Variants in ITPR1 observed in about 807,000 individuals in gnomAD.
The protein encoded by ITPR1 is inositol 1,4,5-trisphosphate-gated calcium channel ITPR1.
Under a neutral mutation model 318.4 loss-of-function variants are expected in ITPR1, and 96 were observed. The observed-to-expected ratio is 0.30, with a 90% CI of 0.26 to 0.36. The LOEUF is 0.36. ITPR1 is among the 10% of genes least tolerant of loss of function. The pLI, the probability that ITPR1 is intolerant of heterozygous loss-of-function variation, is 1.00. For synonymous variants in ITPR1, 1,312 were observed against 1,289.9 expected (o/e 1.02, Z -0.37); for missense variants, 2,440 against 3,460.2 (o/e 0.71, Z 7.40).
intron 44 of ITPR1, among the ~76,000 whole-genome samples, chr3:4,764,974 ATGGATGGATGG>A (rs1559856198): frequency 6.8e-6 from 1 of 147,688 alleles, no homozygotes; most frequent in African/African-American, 2.5e-5. Context: ...GGATGGATGG[ATGGATGGATGG>A]ATGGGTGAAT....
chr3:4,797,466 T>C (rs2047972281), intron 53 of ITPR1, among the ~76,000 whole-genome samples: 1 of 152,138 alleles, frequency 6.6e-6, no homozygotes, highest in Admixed American at 6.5e-5. Context: ...TTTGTGTGGT[T>C]CTGTGGCTTA....
At chr3:4,820,864 C>T (rs940129796) in intron 60 of ITPR1, among the ~76,000 whole-genome samples, 8 of 152,104 alleles carry the variant, frequency 5.3e-5, no homozygotes, top group East Asian at 1.9e-4. Flanking sequence ...ATCAGGGTAG[C>T]GGCTGGGGTG....
At chr3:4,730,529 C>T (rs1005912987) in intron 42 of ITPR1, among the ~76,000 whole-genome samples, 1 of 151,828 alleles carries the variant, frequency 6.6e-6, no homozygotes, top group Admixed American at 6.6e-5. Context: ...GAAGGAGAGA[C>T]AAAATGGTAA....
intron 4 of ITPR1, among the ~76,000 whole-genome samples, chr3:4,560,814 C>T (rs4685758): frequency 0.58 from 88,902 of 152,022 alleles, 28,689 homozygotes; most frequent in Non-Finnish European, 0.71. Flanking sequence ...CTTATTATAA[C>T]GTAACTGAGT....
chr3:4,586,832 G>GC (rs1385535488), intron 4 of ITPR1, among the ~76,000 whole-genome samples: 3 of 151,764 alleles, frequency 2.0e-5, no homozygotes, highest in Non-Finnish European at 4.4e-5. Context: ...CTTGCATGAG[G>GC]CCAGATCTTT....
At chr3:4,653,422 G>T (rs555068859) in intron 11 of ITPR1, among the ~76,000 whole-genome samples, 1 of 152,246 alleles carries the variant, frequency 6.6e-6, no homozygotes, top group Non-Finnish European at 1.5e-5. Context: ...AGCTGTGAGA[G>T]ATGATTTATG....
In ITPR1 at chr3:4,775,379, G is replaced by A. The variant is rs139528715; in HGVS notation, c.6117G>A (p.Ala2039=). ...TGTATATAAATGAAAAGAATGTAGCGCTTATCAACCAAACCCTGGAAAGTC... is the reference window on the plus strand; with the variant it reads ...TGTATATAAATGAAAAGAATGTAGCACTTATCAACCAAACCCTGGAAAGTC... ...LGLYINEKNV[A]LINQTLESLT... The change falls in exon 47 of 62, where the codon GCG becomes GCA. Residue 2039 remains alanine, a synonymous_variant. Coordinates refer to ENST00000649015, the MANE Select transcript of ITPR1 (RefSeq NM_001378452.1). 5.2e-4 allele frequency: 839 copies of A among 1,613,670 alleles called. 8 individuals carry two copies. In the African/African-American group the frequency reaches 8.7e-3, roughly 17 times the overall value.
rs956900532 is a variant in ITPR1 at position 4,751,168 on chromosome 3, C to T, written c.5545-15362C>T. 8 of 152,566 alleles carry T rather than the reference C, an allele frequency of 5.2e-5. No individual in the cohort carries two copies. In the East Asian group the frequency reaches 5.8e-4, roughly 11 times the overall value. The allele number at this position is 152,566 out of a possible 1,614,324, so 9.5% of individuals were successfully genotyped here. On this transcript the variant is annotated intron_variant, in intron 44 of 61. Coordinates refer to ENST00000649015, the MANE Select transcript of ITPR1 (RefSeq NM_001378452.1). ...AATGACGTCTCTGTCTCCTCTAGTG[C>T]GTTATAAAATAGAACCGCAAGAAAA...
intron 2 of ITPR1, among the ~76,000 whole-genome samples, chr3:4,513,340 G>T (rs1431098542): frequency 6.6e-6 from 1 of 152,020 alleles, no homozygotes; most frequent in African/African-American, 2.4e-5. Flanking sequence ...CTTCACTAAG[G>T]CGAGGCCGGA....
At chr3:4,756,500 G>A (rs527628327) in intron 44 of ITPR1, among the ~76,000 whole-genome samples, 14 of 152,016 alleles carry the variant, frequency 9.2e-5, no homozygotes, top group East Asian at 1.9e-4. Flanking sequence ...CCCTCAAGTA[G>A]ACCTCAGTGT....
intron 44 of ITPR1, among the ~76,000 whole-genome samples, chr3:4,743,436 C>T (rs2043848176): frequency 1.3e-5 from 2 of 152,206 alleles, no homozygotes; most frequent in African/African-American, 2.4e-5. Flanking sequence ...CTCTGAGTGA[C>T]GGCAGACAGT....
chr3:4,514,943 G>A (rs1386662991), intron 2 of ITPR1, among the ~76,000 whole-genome samples: 1 of 152,196 alleles, frequency 6.6e-6, no homozygotes, highest in Non-Finnish European at 1.5e-5. Flanking sequence ...TTCTAGAGTG[G>A]TACTTGGCAA....
intron 51 of ITPR1, among the ~76,000 whole-genome samples, chr3:4,785,177 G>A (rs1487236860): frequency 2.0e-5 from 3 of 152,204 alleles, no homozygotes; most frequent in Non-Finnish European, 4.4e-5. Context: ...TTGCAAATGG[G>A]GAGCTGTGAA....
At chr3:4,590,131 T>C (rs2090264719) in intron 4 of ITPR1, among the ~76,000 whole-genome samples, 1 of 149,754 alleles carries the variant, frequency 6.7e-6, no homozygotes, top group Non-Finnish European at 1.5e-5. Flanking sequence ...TACCAACTTA[T>C]CCCTCTAGCT....
intron 4 of ITPR1, among the ~76,000 whole-genome samples, chr3:4,621,152 G>T (rs769374154): frequency 6.6e-6 from 1 of 151,932 alleles, no homozygotes; most frequent in Non-Finnish European, 1.5e-5. Flanking sequence ...TAATGTTGTC[G>T]CACTGCTACA....
rs2094510463 is a variant in ITPR1 at position 4,693,448 on chromosome 3, C to A, written c.4030-42C>A. 3 of 1,595,816 alleles carry A rather than the reference C, an allele frequency of 1.9e-6. 1 individual carries two copies. Among genetic ancestry groups the A allele is most frequent in the Admixed American group, 1.7e-5 (1 of 59,690 alleles). On this transcript the variant is annotated intron_variant, in intron 32 of 61. Coordinates refer to ENST00000649015, the MANE Select transcript of ITPR1 (RefSeq NM_001378452.1). ...TAGATTTTTTTCATGCTGCCCCACC[C>A]CTGCAAGCTTGTAATCTAAACCCAC...
chr3:4,566,147 C>A (rs528597977), intron 4 of ITPR1, among the ~76,000 whole-genome samples: 1 of 152,108 alleles, frequency 6.6e-6, no homozygotes, highest in Non-Finnish European at 1.5e-5. Flanking sequence ...ACAAATAAAT[C>A]AAAAAGTGAA....
intron 33 of ITPR1, among the ~76,000 whole-genome samples, chr3:4,695,094 C>T (rs2094537215): frequency 6.6e-6 from 1 of 152,044 alleles, no homozygotes; most frequent in Admixed American, 6.6e-5. Context: ...CATAAAATGC[C>T]ATTGTATAGA....
intron 51 of ITPR1, among the ~76,000 whole-genome samples, chr3:4,785,683 G>A (rs2047150293): frequency 6.6e-6 from 1 of 152,206 alleles, no homozygotes; most frequent in Admixed American, 6.5e-5. Flanking sequence ...AGGAGAAAAG[G>A]ACCTTGGAGA....
Sources: allele counts gnomAD v4.1 joint callset (sites outside exome capture counted in the v4.1 genomes callset), GRCh38; gene constraint gnomAD v4.1.1; transcripts MANE v1.5; gene names NCBI Gene and HGNC (gene_info 2026-07-23, HGNC 2026-07-21).